GREB1L: variants seen among roughly 807,000 people sequenced by gnomAD.
GREB1L encodes GREB1 like retinoic acid receptor coactivator.
In GREB1L, 17 loss-of-function variants were observed where a neutral mutation model predicts 200.8. The observed-to-expected ratio is 0.08, with a 90% CI of 0.06 to 0.13. The LOEUF (loss-of-function observed/expected upper bound fraction) is 0.13, where lower values mean the gene tolerates loss of function less well. GREB1L is among the 10% of genes least tolerant of loss of function. GREB1L has a pLI of 1.00. For synonymous variants in GREB1L, 789 were observed against 893.0 expected, an observed-to-expected ratio of 0.88 and a Z score of 2.08; for missense variants, 1,657 against 2,367.7, an observed-to-expected ratio of 0.70 and a Z score of 6.23.
intron 7 of GREB1L, among the ~76,000 whole-genome samples, chr18:21,428,018 G>A (rs1204518998): frequency 2.0e-5 from 3 of 150,520 alleles, no homozygotes; most frequent in African/African-American, 7.3e-5. Flanking sequence ...GTGAAACCCC[G>A]TCTCTACTAA....
intron 17 of GREB1L, among the ~76,000 whole-genome samples, chr18:21,482,671 CAAT>C (rs1196971896): frequency 2.4e-5 from 2 of 84,002 alleles, no homozygotes; most frequent in African/African-American, 4.2e-5. Context: ...TTTTTACAAA[CAAT>C]GATCATTGAA....
chr18:21,333,055 A>G (rs2039128811), intron 1 of GREB1L, among the ~76,000 whole-genome samples: 1 of 152,004 alleles, frequency 6.6e-6, no homozygotes, highest in African/African-American at 2.4e-5. Flanking sequence ...ACTGCACTTC[A>G]GCCTGGGTGA....
chr18:21,344,498 C>A (rs549257943), intron 1 of GREB1L, among the ~76,000 whole-genome samples: 1 of 152,332 alleles, frequency 6.6e-6, no homozygotes, highest in Non-Finnish European at 1.5e-5. Flanking sequence ...TAAAGTCAAT[C>A]TGATCTCACA....
rs1396684740 is a variant in GREB1L at position 21,441,500 on chromosome 18, G to T, written c.1170G>T (p.Leu390=). ...AAACTGTAATTGTTCCTGAAAACCT[G>T]CTGAGTAACTCAGGAGTTAGACCAG... ...AGETVIVPEN[L]LSNSGVRPVI... is the part of the protein sequence containing the mutation. The change falls in exon 10 of 33, where the codon CTG becomes CTT. Residue 390 remains leucine, a synonymous_variant. Transcript: ENST00000424526. The T allele has an allele frequency of 2.6e-6, 4 of 1,551,412 alleles. No homozygotes were observed. The highest frequency in any genetic ancestry group is 2.7e-5 in the African/African-American group (2 of 72,996).
chr18:21,423,519 A>G (rs1365731614), intron 7 of GREB1L, among the ~76,000 whole-genome samples: 1 of 152,044 alleles, frequency 6.6e-6, no homozygotes, highest in African/African-American at 2.4e-5. Context: ...TCCACTAGAT[A>G]CTCCAAGAAG....
intron 1 of GREB1L, among the ~76,000 whole-genome samples, chr18:21,249,103 G>A (rs2037655576): frequency 6.6e-6 from 1 of 151,944 alleles, no homozygotes; most frequent in Non-Finnish European, 1.5e-5. Flanking sequence ...TATGAAAATA[G>A]TGTTACATAT....
chr18:21,332,937 TG>T (rs1179933011), intron 1 of GREB1L, among the ~76,000 whole-genome samples: 1 of 151,936 alleles, frequency 6.6e-6, no homozygotes, highest in African/African-American at 2.4e-5. Context: ...GATAATTAGC[TG>T]GGTGTGATGA....
At chr18:21,440,765 C>T (rs1225960223) in intron 9 of GREB1L, among the ~76,000 whole-genome samples, 3 of 152,140 alleles carry the variant, frequency 2.0e-5, no homozygotes, top group Non-Finnish European at 4.4e-5. Context: ...CAGTCTGTGG[C>T]TAGAAACCTG....
At chr18:21,378,557 T>G (rs1020083818) in intron 2 of GREB1L, among the ~76,000 whole-genome samples, 1 of 152,098 alleles carries the variant, frequency 6.6e-6, no homozygotes, top group Non-Finnish European at 1.5e-5. Flanking sequence ...GTATTTTTAG[T>G]AGAGGCAGGG....
intron 1 of GREB1L, among the ~76,000 whole-genome samples, chr18:21,353,270 A>T (rs964605994): frequency 6.6e-6 from 1 of 152,174 alleles, no homozygotes; most frequent in Non-Finnish European, 1.5e-5. Flanking sequence ...ATCTATGTCA[A>T]AAATATAGTA....
chr18:21,465,465 AG>A (rs1287972541), intron 15 of GREB1L, among the ~76,000 whole-genome samples: 1 of 152,166 alleles, frequency 6.6e-6, no homozygotes, highest in Non-Finnish European at 1.5e-5. Flanking sequence ...GAAGGATTTA[AG>A]GGTAAAGTAT....
chr18:21,347,847 A>G (rs1356781933), intron 1 of GREB1L, among the ~76,000 whole-genome samples: 1 of 142,846 alleles, frequency 7.0e-6, no homozygotes, highest in Non-Finnish European at 1.5e-5. Flanking sequence ...GCTCACTGCA[A>G]TCCCCGCCTC....
At chr18:21,347,358 TG>T (rs2039363019) in intron 1 of GREB1L, among the ~76,000 whole-genome samples, 1 of 152,026 alleles carries the variant, frequency 6.6e-6, no homozygotes, top group Non-Finnish European at 1.5e-5. Context: ...CAGATTGTCT[TG>T]TCCCTCAGCT....
chr18:21,367,532 A>G (rs1385234068), intron 2 of GREB1L, among the ~76,000 whole-genome samples: 1 of 152,196 alleles, frequency 6.6e-6, no homozygotes, highest in African/African-American at 2.4e-5. Context: ...TCATTCTACA[A>G]GCTTTTGGCC....
intron 5 of GREB1L, among the ~76,000 whole-genome samples, chr18:21,398,326 GTCATAAAGA>G (rs2041172175): frequency 6.6e-6 from 1 of 152,126 alleles, no homozygotes; most frequent in Non-Finnish European, 1.5e-5. Context: ...ACCTTGCCGG[GTCATAAAGA>G]TCAAATGAGA....
intron 1 of GREB1L, among the ~76,000 whole-genome samples, chr18:21,347,984 G>C (rs558974946): frequency 8.4e-6 from 1 of 119,254 alleles, no homozygotes; most frequent in South Asian, 2.8e-4. Context: ...TTGCTCTGTC[G>C]CCCAGCCTGG....
At chr18:21,394,377 C>T (rs1241017387) in intron 4 of GREB1L, among the ~76,000 whole-genome samples, 1 of 152,222 alleles carries the variant, frequency 6.6e-6, no homozygotes, top group Non-Finnish European at 1.5e-5. Context: ...TTCCCTATAA[C>T]ACTGTCTGTG....
At chr18:21,485,914 A>G (rs749776264) in intron 18 of GREB1L, among the ~76,000 whole-genome samples, 161 bp downstream of exon 18, 14 of 152,148 alleles carry the variant, frequency 9.2e-5, no homozygotes, top group African/African-American at 1.2e-4. Context: ...ATGCCCTACT[A>G]TTGTTTTATG....
chr18:21,343,499 C>A (rs1301698777), intron 1 of GREB1L, among the ~76,000 whole-genome samples: 1 of 152,124 alleles, frequency 6.6e-6, no homozygotes, highest in Non-Finnish European at 1.5e-5. Flanking sequence ...GTCATGGAAT[C>A]TTTGGATTAT....
Sources: allele counts gnomAD v4.1 joint callset (sites outside exome capture counted in the v4.1 genomes callset), GRCh38; gene constraint gnomAD v4.1.1; transcripts MANE v1.5; gene names NCBI Gene and HGNC (gene_info 2026-07-23, HGNC 2026-07-21).